Variants in PPP1R12A observed in about 807,000 individuals in gnomAD.
PPP1R12A encodes the protein protein phosphatase 1 regulatory subunit 12A, also known as myosin binding subunit.
PPP1R12A carries 19 observed loss-of-function variants against 139.6 expected under a neutral mutation model. The observed-to-expected ratio is 0.14, with a 90% CI of 0.09 to 0.20. The LOEUF is 0.20. Among genes scored for constraint, PPP1R12A ranks in the 10% least tolerant of loss-of-function variants. The probability of loss-of-function intolerance (pLI) is 1.00; values close to 1 mark genes in which losing one functional copy is unlikely to be tolerated. For missense variants in PPP1R12A, 925 were observed against 1,211.5 expected (o/e 0.76, Z 3.51); for synonymous variants, 427 against 420.6 (o/e 1.02, Z -0.19).
intron 1 of PPP1R12A, among the ~76,000 whole-genome samples, chr12:79,924,764 CA>C (rs1057411551): frequency 2.0e-5 from 3 of 152,014 alleles, no homozygotes; most frequent in African/African-American, 2.4e-5. Context: ...CAAACATATA[CA>C]AAAAAGACTA....
chr12:79,864,903 G>A (rs1391399432), intron 2 of PPP1R12A, among the ~76,000 whole-genome samples: 3 of 152,158 alleles, frequency 2.0e-5, no homozygotes, highest in Non-Finnish European at 2.9e-5. Flanking sequence ...AGAAGAGCTG[G>A]TACCATTCCT....
intron 2 of PPP1R12A, among the ~76,000 whole-genome samples, chr12:79,866,510 G>T (rs918065472): frequency 6.6e-6 from 1 of 152,198 alleles, no homozygotes; most frequent in African/African-American, 2.4e-5. Flanking sequence ...CACAGCAAAA[G>T]AAACTATCAT....
rs530329159 is a variant in PPP1R12A, at chr12:79,776,933, T to G, written c.3007-918A>C. On this transcript the variant is annotated intron_variant, in intron 24 of 24. Coordinates refer to ENST00000450142, the MANE Select transcript of PPP1R12A (RefSeq NM_002480.3). ...ACTTGATAAAAGTAAAACTTCTATT[T>G]GCAAAACTAGGTAAAGCAAAATCTT... 4.6e-5 allele frequency among the ~76,000 whole-genome samples: 7 copies of G among 152,276 alleles called. No individual in the cohort carries two copies. The South Asian group carries it at 1.4e-3, about 32-fold the overall frequency.
At chr12:79,808,407 T>C (rs1874121756) in intron 11 of PPP1R12A, 76 bp downstream of exon 11, 1 of 983,958 alleles carries the variant, frequency 1.0e-6, no homozygotes, top group South Asian at 1.5e-5. Context: ...ATAATTACAA[T>C]GCTCATGTAT....
chr12:79,875,398 A>G (rs1011477775), intron 1 of PPP1R12A, among the ~76,000 whole-genome samples: 2 of 152,196 alleles, frequency 1.3e-5, no homozygotes, highest in African/African-American at 4.8e-5. Context: ...ACTTGGTGAA[A>G]GGTTTTTTCC....
chr12:79,800,041 A>T (rs1872922585), intron 14 of PPP1R12A, among the ~76,000 whole-genome samples: 1 of 152,158 alleles, frequency 6.6e-6, no homozygotes, highest in African/African-American at 2.4e-5. Context: ...ACAAGCAAAG[A>T]TATGACAGAG....
intron 1 of PPP1R12A, among the ~76,000 whole-genome samples, chr12:79,931,032 T>C (rs1444399679): frequency 1.3e-5 from 2 of 152,328 alleles, no homozygotes; most frequent in East Asian, 1.9e-4. Flanking sequence ...CTGTTTTAGG[T>C]TGAATTTAAA....
At chr12:79,857,379 C>A (rs1592722876) in intron 2 of PPP1R12A, among the ~76,000 whole-genome samples, 2 of 128,474 alleles carry the variant, frequency 1.6e-5, no homozygotes, top group African/African-American at 5.9e-5. Context: ...GGGAATTGAA[C>A]AATGAGAACA....
chr12:79,785,433 TTTG>T (rs759602739), intron 22 of PPP1R12A, among the ~76,000 whole-genome samples: 4 of 152,102 alleles, frequency 2.6e-5, no homozygotes, highest in South Asian at 4.1e-4. Flanking sequence ...TGGTTTTTGT[TTTG>T]TTGTTGTTTT....
chr12:79,907,636 C>T (rs1467409733), intron 1 of PPP1R12A, among the ~76,000 whole-genome samples: 2 of 152,136 alleles, frequency 1.3e-5, no homozygotes, highest in African/African-American at 2.4e-5. Context: ...TGGTGGCTCA[C>T]GCCTGTAATC....
intron 5 of PPP1R12A, 106 bp downstream of exon 5, chr12:79,828,214 T>G: frequency 1.1e-6 from 1 of 920,500 alleles, no homozygotes. Context: ...AAAAATATAA[T>G]TATATAATGT....
chr12:79,799,411 G>C (rs1377514596), intron 14 of PPP1R12A, among the ~76,000 whole-genome samples: 1 of 152,114 alleles, frequency 6.6e-6, no homozygotes, highest in Non-Finnish European at 1.5e-5. Context: ...CGACCTCAGA[G>C]GGTGTTGGGA....
chr12:79,776,118 G>T, intron 24 of PPP1R12A, 103 bp from the exon 25 acceptor site: 1 of 702,790 alleles, frequency 1.4e-6, no homozygotes. Context: ...ACATGATCAA[G>T]CTTTGTCAGT....
chr12:79,842,011 G>GTTT (rs35117494), intron 3 of PPP1R12A, among the ~76,000 whole-genome samples: 43 of 149,796 alleles, frequency 2.9e-4, no homozygotes, highest in African/African-American at 9.5e-4. Context: ...GCTTAAGATA[G>GTTT]TTTTTTTTTT....
At chr12:79,907,126 C>T (rs1183052555) in intron 1 of PPP1R12A, among the ~76,000 whole-genome samples, 1 of 152,042 alleles carries the variant, frequency 6.6e-6, no homozygotes, top group Non-Finnish European at 1.5e-5. Context: ...GAGAAAGAGG[C>T]AGGTGGGAAA....
At chr12:79,858,385 C>A (rs927920284) in intron 2 of PPP1R12A, among the ~76,000 whole-genome samples, 2 of 152,196 alleles carry the variant, frequency 1.3e-5, no homozygotes, top group African/African-American at 4.8e-5. Flanking sequence ...AATAGAAATA[C>A]TTGCCACATA....
At chr12:79,798,397 T>C (rs1158160961) in intron 15 of PPP1R12A, 97 bp downstream of exon 15, 1 of 746,132 alleles carries the variant, frequency 1.3e-6, no homozygotes, top group African/African-American at 1.8e-5. Flanking sequence ...CACAACAAAG[T>C]GAAAAAGAGA....
chr12:79,902,586 T>C (rs1885749253), intron 1 of PPP1R12A, among the ~76,000 whole-genome samples: 1 of 152,128 alleles, frequency 6.6e-6, no homozygotes, highest in African/African-American at 2.4e-5. Context: ...AAAAAATTTT[T>C]TTAATTTCAA....
At chr12:79,881,877 C>T (rs1296328173) in intron 1 of PPP1R12A, among the ~76,000 whole-genome samples, 3 of 152,156 alleles carry the variant, frequency 2.0e-5, no homozygotes, top group African/African-American at 7.2e-5. Context: ...AATCCTAGGT[C>T]CCTTATGAAT....
Sources: gnomAD v4.1 joint callset for allele counts (sites outside exome capture counted in the v4.1 genomes callset) on GRCh38, gnomAD v4.1.1 for gene constraint, MANE v1.5 for transcripts, NCBI Gene and HGNC (gene_info 2026-07-23, HGNC 2026-07-21) for gene names.